The following DENND1A variants were observed in gnomAD, a reference collection of about 807,000 sequenced individuals.
DENND1A encodes DENN domain containing 1A, also known as DENN domain-containing protein 1A.
In DENND1A, 51 loss-of-function variants were observed where a neutral mutation model predicts 113.7. The observed-to-expected ratio is 0.45, with a 90% confidence interval of 0.36 to 0.57. The LOEUF (loss-of-function observed/expected upper bound fraction) is 0.57, where lower values mean the gene tolerates loss of function less well. DENND1A is among the 20% of genes least tolerant of loss of function. The pLI, the probability that DENND1A is intolerant of heterozygous loss-of-function variation, is 0.00. For missense variants in DENND1A, 1,258 were observed against 1,395.9 expected (o/e 0.90, Z 1.57); for synonymous variants, 565 against 570.8 (o/e 0.99, Z 0.14).
intron 12 of DENND1A, among the ~76,000 whole-genome samples, chr9:123,578,599 A>G (rs771413048): frequency 1.7e-4 from 26 of 152,198 alleles, no homozygotes; most frequent in Non-Finnish European, 2.9e-5. Context: ...ACAAGATTTC[A>G]TCTACCATAA....
intron 2 of DENND1A, among the ~76,000 whole-genome samples, chr9:123,821,905 T>C (rs1838542989): frequency 6.6e-6 from 1 of 152,188 alleles, no homozygotes; most frequent in African/African-American, 2.4e-5. Flanking sequence ...TATAAAACAA[T>C]GATTAATGCT....
chr9:123,418,401 G>T (rs1408508537), intron 19 of DENND1A, among the ~76,000 whole-genome samples: 1 of 152,194 alleles, frequency 6.6e-6, no homozygotes, highest in Non-Finnish European at 1.5e-5. Context: ...TATGAAACCG[G>T]CATTTATGAG....
At chr9:123,597,535 G>A (rs1043158587) in intron 11 of DENND1A, among the ~76,000 whole-genome samples, 3 of 152,112 alleles carry the variant, frequency 2.0e-5, no homozygotes, top group Admixed American at 2.0e-4. Flanking sequence ...GTCTCTAAAA[G>A]CACCCAAAAG....
At chr9:123,744,471 T>A (rs2069299582) in intron 5 of DENND1A, among the ~76,000 whole-genome samples, 1 of 152,228 alleles carries the variant, frequency 6.6e-6, no homozygotes, top group African/African-American at 2.4e-5. Flanking sequence ...TTTCTGAGTT[T>A]TTCATAAAAC....
intron 13 of DENND1A, chr9:123,492,619 C>G (rs1220842096): frequency 1.3e-5 from 2 of 152,166 alleles, no homozygotes; most frequent in African/African-American, 4.8e-5. Flanking sequence ...TAATTGTACA[C>G]TTTTTTAAAT....
intron 2 of DENND1A, among the ~76,000 whole-genome samples, chr9:123,834,199 C>A (rs1200351801): frequency 6.6e-6 from 1 of 152,138 alleles, no homozygotes; most frequent in Admixed American, 6.5e-5. Flanking sequence ...AAGGAATCTA[C>A]CTCCTCCACA....
rs112376284 is a variant in DENND1A, at chr9:123,774,082, A to T, written c.133-4519T>A. On this transcript the variant is annotated intron_variant, in intron 3 of 23. Coordinates refer to ENST00000394215, the MANE Select transcript of DENND1A (RefSeq NM_001352964.2). ...TTTCTTATATCTAATTTATTTGTTC[A>T]TTTCAAAATGTAGGTGTGTGATGAA... 8.1e-3 allele frequency among the ~76,000 whole-genome samples: 1,234 copies of T among 152,266 alleles called. 20 individuals carry two copies. Among genetic ancestry groups the T allele is most frequent in the African/African-American group, 0.028 (1,177 of 41,542 alleles).
chr9:123,522,058 C>A (rs1246599545), intron 13 of DENND1A, among the ~76,000 whole-genome samples: 1 of 152,222 alleles, frequency 6.6e-6, no homozygotes, highest in East Asian at 1.9e-4. Context: ...GCCCTCATGG[C>A]AGGAGGGCAC....
chr9:123,520,897 C>CCAG (rs1284851620), intron 13 of DENND1A, among the ~76,000 whole-genome samples: 2 of 152,190 alleles, frequency 1.3e-5, no homozygotes, highest in Admixed American at 6.5e-5. Flanking sequence ...AGAGAAAAAC[C>CCAG]TTGCTGTTAG....
At chr9:123,513,126 G>A (rs1046936901) in intron 13 of DENND1A, among the ~76,000 whole-genome samples, 5 of 152,186 alleles carry the variant, frequency 3.3e-5, no homozygotes, top group Non-Finnish European at 5.9e-5. Context: ...CTTCTTCTCC[G>A]GAGTCCGGTG....
intron 12 of DENND1A, among the ~76,000 whole-genome samples, chr9:123,578,372 T>C (rs2058725000): frequency 6.6e-6 from 1 of 152,192 alleles, no homozygotes; most frequent in Non-Finnish European, 1.5e-5. Context: ...TTCATATTTG[T>C]CCAGAGTTTT....
chr9:123,457,212 C>G (rs2048190394), intron 15 of DENND1A, 136 bp downstream of exon 15: 1 of 712,368 alleles, frequency 1.4e-6, no homozygotes, highest in Non-Finnish European at 2.4e-6. Context: ...ATTCTTCAAA[C>G]ATTTCAAGGC....
chr9:123,926,153 T>C (rs1194711732), intron 1 of DENND1A, among the ~76,000 whole-genome samples: 3 of 152,268 alleles, frequency 2.0e-5, no homozygotes, highest in African/African-American at 7.2e-5. Flanking sequence ...TTCTTCTAGA[T>C]AAATGTCCAT....
At chr9:123,607,544 G>A (rs1174471488) in intron 11 of DENND1A, among the ~76,000 whole-genome samples, 1 of 124,326 alleles carries the variant, frequency 8.0e-6, no homozygotes, top group Non-Finnish European at 1.8e-5. Context: ...GAGAGAGAGA[G>A]AGAGTGTGTG....
At chr9:123,829,933 T>C (rs1590262958) in intron 2 of DENND1A, among the ~76,000 whole-genome samples, 1 of 152,152 alleles carries the variant, frequency 6.6e-6, no homozygotes, top group African/African-American at 2.4e-5. Flanking sequence ...CATTTAAACA[T>C]TGATGTGAAA....
At chr9:123,566,260 C>T (rs7030779) in intron 12 of DENND1A, among the ~76,000 whole-genome samples, 64,628 of 152,006 alleles carry the variant, frequency 0.43, 14,208 homozygotes, top group African/African-American at 0.53. Context: ...TCCTTGCTTT[C>T]CTGCTTCTTT....
chr9:123,478,183 G>A (rs141357041), intron 13 of DENND1A, among the ~76,000 whole-genome samples: 1 of 152,210 alleles, frequency 6.6e-6, no homozygotes, highest in Non-Finnish European at 1.5e-5. Flanking sequence ...GACACGGACT[G>A]AACCCAGATA....
intron 2 of DENND1A, among the ~76,000 whole-genome samples, chr9:123,816,644 C>T (rs1176884183): frequency 6.6e-6 from 1 of 152,152 alleles, no homozygotes; most frequent in Non-Finnish European, 1.5e-5. Context: ...AAAATAATTA[C>T]CTGGTCCTCT....
chr9:123,417,616 C>T (rs2044844400), intron 19 of DENND1A, among the ~76,000 whole-genome samples: 1 of 152,244 alleles, frequency 6.6e-6, no homozygotes, highest in Admixed American at 6.5e-5. Context: ...CACGGTTCTT[C>T]TAATCCTTGT....
Sources: gnomAD v4.1 joint callset for allele counts (sites outside exome capture counted in the v4.1 genomes callset) on GRCh38, gnomAD v4.1.1 for gene constraint, MANE v1.5 for transcripts, NCBI Gene and HGNC (gene_info 2026-07-23, HGNC 2026-07-21) for gene names.